The following MYH10 variants were observed in gnomAD, a reference collection of about 807,000 sequenced individuals.
MYH10 encodes myosin-10.
In MYH10, 55 loss-of-function variants were observed where a neutral mutation model predicts 257.8. That is an observed-to-expected ratio of 0.21 (90% CI 0.17 to 0.27). The LOEUF (loss-of-function observed/expected upper bound fraction) is 0.27. Ranked by LOEUF, MYH10 falls within the 10% of genes least tolerant of loss-of-function variation. The pLI is 1.00. For missense variants in MYH10, 1,631 were observed against 2,500.6 expected (o/e 0.65, Z 7.42); for synonymous variants, 854 against 921.7 (o/e 0.93, Z 1.33).
chr17:8,540,880 G>C (rs2082272836), intron 14 of MYH10, among the ~76,000 whole-genome samples: 1 of 152,216 alleles, frequency 6.6e-6, no homozygotes, highest in Non-Finnish European at 1.5e-5. Flanking sequence ...GTATGCACAA[G>C]TTACCTGGAA....
In MYH10 at chr17:8,490,617, T is replaced by C; in HGVS notation, c.4672-65A>G. On this transcript the variant is annotated intron_variant, in intron 34 of 42. Transcript: ENST00000360416. The surrounding 1 kb of genome is among the most constrained non-coding windows in gnomAD (Gnocchi z 4.1). ...GAGGCACATATGAAGAACAGCAGTC[T>C]TACTGTTTTACAGGCCCACTCGTGG... 5.2e-6 allele frequency: 8 copies of C among 1,527,652 alleles called. No homozygotes were observed. Among genetic ancestry groups the C allele is most frequent in the Non-Finnish European group, 6.3e-6 (7 of 1,104,110 alleles). 94.6% of individuals were successfully genotyped at this position (1,527,652 alleles called of 1,614,324 possible). A position where few individuals can be genotyped will look rare whatever the true frequency, so the allele number is the denominator to read the frequency against.
At chr17:8,605,018 A>C (rs1452909008) in intron 2 of MYH10, 36 bp from the exon 3 acceptor site, 18 of 1,171,690 alleles carry the variant, frequency 1.5e-5, no homozygotes, top group Non-Finnish European at 1.9e-5. Context: ...TAAAAAAAAA[A>C]CCTCTGCATT....
intron 16 of MYH10, among the ~76,000 whole-genome samples, chr17:8,533,523 G>C (rs938762325): frequency 6.6e-5 from 10 of 152,124 alleles, no homozygotes; most frequent in African/African-American, 2.4e-4. Context: ...CTTCTTACCC[G>C]TTTAAGGCAT....
chr17:8,480,331 G>T lies in MYH10; in HGVS notation c.5389-13C>A. 1 of 1,610,380 alleles carries T rather than the reference G, an allele frequency of 6.2e-7. No homozygotes were observed. The highest frequency in any genetic ancestry group is 8.5e-7 in the Non-Finnish European group (1 of 1,176,802). On this transcript the variant is annotated splice_polypyrimidine_tract_variant and intron_variant, in intron 39 of 42. Coordinates refer to ENST00000360416, the MANE Select transcript of MYH10 (RefSeq NM_001256012.3). ...TCAGTGTGTCCACCTAGAGAGGAGA[G>T]AGGAGTTTAGTCACTTGTGCCTGAG... is the stretch of plus-strand genomic sequence containing the variant.
At chr17:8,491,432 G>A (rs557704955) in intron 34 of MYH10, among the ~76,000 whole-genome samples, 2 of 152,270 alleles carry the variant, frequency 1.3e-5, no homozygotes, top group East Asian at 1.9e-4. Context: ...GTCCCTGGGC[G>A]CCAAGTTGTA....
rs1265825582 is a variant in MYH10 at position 8,513,682 on chromosome 17, T to A, written c.2614-13A>T. On this transcript the variant is annotated splice_polypyrimidine_tract_variant and intron_variant, in intron 22 of 42. Coordinates refer to ENST00000360416, the MANE Select transcript of MYH10 (RefSeq NM_001256012.3). ...GAAGCGGCTTCACCTATGACAAAAT[T>A]AAGCAGTTTTTTTTTTTTTATCATT... The A allele has an allele frequency of 3.2e-6, 5 of 1,586,712 alleles. No homozygotes were observed. The highest frequency in any genetic ancestry group is 3.5e-5 in the Admixed American group (2 of 56,886).
intron 28 of MYH10, 134 bp from the exon 29 acceptor site, chr17:8,501,104 C>T (rs1917442239): frequency 1.0e-6 from 1 of 966,072 alleles, no homozygotes; most frequent in East Asian, 2.6e-5. Flanking sequence ...GTGCTATTTC[C>T]AGTAGGCTGG....
In MYH10 at chr17:8,513,872, G is replaced by C; in HGVS notation, c.2527C>G (p.Gln843Glu). 6.2e-7 allele frequency: 1 copy of C among 1,614,154 alleles called. No individual in the cohort carries two copies. The highest frequency in any genetic ancestry group is 1.1e-5 in the South Asian group (1 of 91,076). ...ARKAFAKKQQ[Q>E]LSALKVLQRN... The stretch of plus-strand genomic sequence containing the variant: ...TGCAAGACCTTTAAGGCACTTAGTT[G>C]CTGCTGCTTCTTGGCAAAGGCCCTG... Residue 843 changes from glutamine (Q) to glutamate (E), a missense_variant, in exon 22 of 43, where the codon CAA becomes GAA. Physicochemically the swap from Gln to Glu is conservative, Grantham distance 29. Around this residue, in one of 11 missense-constraint regions of MYH10, gnomAD observed 116 missense variants for 221.6 expected, o/e 0.52. Coordinates refer to ENST00000360416, the MANE Select transcript of MYH10 (RefSeq NM_001256012.3).
chr17:8,533,550 C>T (rs565610365), intron 16 of MYH10, among the ~76,000 whole-genome samples: 13 of 152,326 alleles, frequency 8.5e-5, no homozygotes, highest in South Asian at 2.1e-4. Flanking sequence ...GCCATAAATG[C>T]TCATAAATTA....
At chr17:8,502,070 T>A (rs545393546) in intron 28 of MYH10, among the ~76,000 whole-genome samples, 1 of 152,294 alleles carries the variant, frequency 6.6e-6, no homozygotes, top group East Asian at 1.9e-4. Context: ...CTCACACTAA[T>A]CCTGAAGCAC....
chr17:8,521,362 T>C, intron 17 of MYH10, 77 bp from the exon 18 acceptor site: 5 of 1,450,300 alleles, frequency 3.4e-6, no homozygotes, highest in Non-Finnish European at 4.8e-6. Flanking sequence ...ACAGTGAAAG[T>C]GCAGCAGCAC....
chr17:8,592,816 G>GAAAAAA (rs67151329), intron 3 of MYH10, among the ~76,000 whole-genome samples: 32 of 30,414 alleles, frequency 1.1e-3, no homozygotes, highest in Middle Eastern at 0.038. Context: ...AATGAAATCA[G>GAAAAAA]AAAAAAAAAA....
At position 8,530,605 on chromosome 17, in the gene MYH10, C is replaced by T. The variant is rs2081981493; in HGVS notation, c.1957+18G>A. 1 of 1,381,086 alleles carries T rather than the reference C, an allele frequency of 7.2e-7. No homozygotes were observed. Among genetic ancestry groups the T allele is most frequent in the Non-Finnish European group, 9.6e-7 (1 of 1,039,360 alleles). 85.6% of individuals were successfully genotyped at this position (1,381,086 alleles called of 1,614,324 possible). On this transcript the variant is annotated intron_variant, in intron 17 of 42. Transcript: ENST00000360416. ...AAACCCTTCTGTTTTGGAAGACCTA[C>T]AGGCTTTATACATTCACCTGGTGGC...
intron 2 of MYH10, among the ~76,000 whole-genome samples, chr17:8,617,230 G>T (rs2085296589): frequency 6.6e-6 from 1 of 152,118 alleles, no homozygotes; most frequent in African/African-American, 2.4e-5. Context: ...GAGAAGAGAA[G>T]GTCAGGATAT....
At chr17:8,598,672 C>T (rs2084478182) in intron 3 of MYH10, among the ~76,000 whole-genome samples, 2 of 151,832 alleles carry the variant, frequency 1.3e-5, no homozygotes, top group Non-Finnish European at 1.5e-5. Context: ...GTGGCTTTTG[C>T]CATAACTCAC....
chr17:8,603,864 T>G (rs1435619468), intron 3 of MYH10, among the ~76,000 whole-genome samples: 1 of 152,186 alleles, frequency 6.6e-6, no homozygotes, highest in Non-Finnish European at 1.5e-5. Flanking sequence ...TACCAACTTA[T>G]GTATGACACT....
In MYH10 at chr17:8,553,983, G is replaced by A; in HGVS notation, c.792C>T (p.Gly264=). 1 of 1,613,136 alleles carries A rather than the reference G, an allele frequency of 6.2e-7. No homozygotes were observed. Among genetic ancestry groups the A allele is most frequent in the Non-Finnish European group, 8.5e-7 (1 of 1,179,458 alleles). ...TTTCAATGTTGGCCCCAACGATATA[G>A]CCAGTTACATCAAAGTTGATCCGAA... ...KFIRINFDVT[G]YIVGANIETY... Residue 264 remains glycine (G), a synonymous_variant, in exon 8 of 43, where the codon GGC becomes GGT. Transcript: ENST00000360416.
intron 17 of MYH10, among the ~76,000 whole-genome samples, chr17:8,530,073 C>G (rs781665457): frequency 1.3e-5 from 2 of 152,130 alleles, no homozygotes; most frequent in Non-Finnish European, 2.9e-5. Context: ...AAAGAAAAGG[C>G]CAAGTAGCCA....
intron 21 of MYH10, among the ~76,000 whole-genome samples, chr17:8,516,711 G>A (rs1001910466): frequency 9.9e-5 from 15 of 152,164 alleles, no homozygotes; most frequent in Admixed American, 2.6e-4. Flanking sequence ...CTAACTCTAT[G>A]AAGTTAGCCT....
Sources: allele counts gnomAD v4.1 joint callset (sites outside exome capture counted in the v4.1 genomes callset), GRCh38; gene constraint gnomAD v4.1.1; regional missense constraint gnomAD v4.1.1; non-coding constraint Gnocchi (gnomAD v3.1); transcripts MANE v1.5; gene names NCBI Gene and HGNC (gene_info 2026-07-23, HGNC 2026-07-21).